The following PPARA variants were observed in gnomAD, a reference collection of about 807,000 sequenced individuals.
PPARA encodes the protein peroxisome proliferator-activated receptor alpha.
In PPARA, 22 loss-of-function variants were observed where a neutral mutation model predicts 42.2. The ratio of observed to expected loss-of-function variants is 0.52; its 90% CI spans 0.37 to 0.74. PPARA has a LOEUF of 0.74. Ranked by LOEUF, PPARA falls within the 30% of genes least tolerant of loss-of-function variation. PPARA has a pLI of 0.00. For missense variants in PPARA, 465 were observed against 608.2 expected, an observed-to-expected ratio of 0.76 and a Z score of 2.48; for synonymous variants, 242 against 239.3, an observed-to-expected ratio of 1.01 and a Z score of -0.10.
At chr22:46,210,049 A>G (rs1171878944) in intron 4 of PPARA, among the ~76,000 whole-genome samples, 9 of 152,086 alleles carry the variant, frequency 5.9e-5, no homozygotes, top group Non-Finnish European at 1.3e-4. Flanking sequence ...CCAGCCCAGA[A>G]TAACTTTTTA....
rs775983682 is a variant in PPARA, at chr22:46,238,194, C to T, written c.*2814C>T. On this transcript the variant is annotated 3_prime_UTR_variant, in exon 9 of 9. Coordinates refer to ENST00000407236, the MANE Select transcript of PPARA (RefSeq NM_005036.6). The surrounding 1 kb of genome is among the most constrained non-coding windows in gnomAD (Gnocchi z 8.3). ...CCGTGACCTCAGGCTGAAAGTCACT[C>T]GACATTGGTCTCTTGTGTTGATAGG... The T allele has an allele frequency of 3.3e-5, 5 of 152,120 alleles. No individual in the cohort carries two copies. The highest frequency in any genetic ancestry group is 3.3e-4 in the Admixed American group (5 of 15,264). The allele number at this position is 152,120 out of a possible 1,614,324, so 9.4% of individuals were successfully genotyped here. A position where few individuals can be genotyped will look rare whatever the true frequency, so the allele number is the denominator to read the frequency against.
rs35345592 is a variant in PPARA, at chr22:46,168,351, C to CAAAAA, written c.-126-8379_-126-8375dup. Among the ~76,000 whole-genome samples the CAAAAA allele has an allele frequency of 8.0e-3, 115 of 14,374 alleles. 8 individuals carry two copies. The highest frequency in any genetic ancestry group is 0.023 in the African/African-American group (105 of 4,640). The allele number at this position is 14,374 out of a possible 152,430, so 9.4% of individuals were successfully genotyped here. On this transcript the variant is annotated intron_variant, in intron 2 of 8. Transcript: ENST00000407236. ...TGGACAACAGAGCGAGACTCCATCT[C>CAAAAA]AAAAAAAAAAAAAAAAAAAAAAAAA...
intron 4 of PPARA, 127 bp from the exon 5 acceptor site, chr22:46,215,046 T>C (rs1278158464): frequency 8.5e-7 from 1 of 1,175,110 alleles, no homozygotes; most frequent in East Asian, 2.5e-5. Flanking sequence ...CGGCCCCGCA[T>C]GGGTGTTCTG....
rs138664685 is a variant in PPARA, at chr22:46,190,429, C to G, written c.-42-7913C>G. Among the ~76,000 whole-genome samples, 2 of 152,144 alleles carry G rather than the reference C, an allele frequency of 1.3e-5. No homozygotes were observed. Among genetic ancestry groups the G allele is most frequent in the South Asian group, 4.1e-4 (2 of 4,826 alleles). ...GTCAAAAAAGTGAAAGTCTAACGTT[C>G]GTAATTATTGTTCTGGAGGCTTTTG... is the stretch of plus-strand genomic sequence containing the variant. On this transcript the variant is annotated intron_variant, in intron 3 of 8. Transcript: ENST00000407236. The surrounding 1 kb of genome is among the most constrained non-coding windows in gnomAD (Gnocchi z 5.6).
chr22:46,215,192 G>C lies in PPARA; in HGVS notation c.228G>C (p.Ser76=). The C allele has an allele frequency of 6.2e-7, 1 of 1,613,960 alleles. No individual in the cohort carries two copies. The highest frequency in any genetic ancestry group is 1.1e-5 in the South Asian group (1 of 91,072). ...SVITDTLSPA[S]SPSSVTYPVV... is the part of the protein sequence containing the mutation. ...CCCCAGACACGCTTTCACCAGCTTCGAGCCCCTCCTCGGTGACTTATCCTG... is the reference window on the plus strand; with the variant it reads ...CCCCAGACACGCTTTCACCAGCTTCCAGCCCCTCCTCGGTGACTTATCCTG... Residue 76 remains serine (S), a synonymous_variant, in exon 5 of 9, where the codon TCG becomes TCC. Transcript: ENST00000407236.
rs1929834663 is a variant in PPARA at position 46,180,747 on chromosome 22, T to C, written c.-43+3911T>C. On this transcript the variant is annotated intron_variant, in intron 3 of 8. Transcript: ENST00000407236. This position sits in a 1 kb window ranked among gnomAD's most constrained non-coding sequence, Gnocchi z 4.2. ...TGAGCCAGTGTACACCTTAAATAAA[T>C]CCTCCTGAACCCCATCAATCGCTCC... 6.6e-6 allele frequency among the ~76,000 whole-genome samples: 1 copy of C among 152,184 alleles called. No individual in the cohort carries two copies. The highest frequency in any genetic ancestry group is 2.4e-5 in the African/African-American group (1 of 41,452).
At chr22:46,168,131 T>TCGCAGTGAGCCAAGACTGCGC (rs1569190459) in intron 2 of PPARA, among the ~76,000 whole-genome samples, 18 of 151,416 alleles carry the variant, frequency 1.2e-4, no homozygotes, top group Non-Finnish European at 1.8e-4. Flanking sequence ...AGCAGGTGGA[T>TCGCAGTGAGCCAAGACTGCGC]CACAAGGGCA....
chr22:46,155,586 A>T (rs1303801877), intron 2 of PPARA: 1 of 152,236 alleles, frequency 6.6e-6, no homozygotes, highest in Non-Finnish European at 1.5e-5. Flanking sequence ...AAGTGCTGGG[A>T]TTACAGGTGT....
Position 46,193,988 on chromosome 22 carries a change from A to G in PPARA, c.-42-4354A>G, listed in dbSNP as rs1931891463. On this transcript the variant is annotated intron_variant, in intron 3 of 8. Coordinates refer to ENST00000407236, the MANE Select transcript of PPARA (RefSeq NM_005036.6). This position sits in a 1 kb window ranked among gnomAD's most constrained non-coding sequence, Gnocchi z 5.3. Reference sequence around the variant, plus strand: ...GACAGCGGCATGTCATGTGGGTAATAGGAAGGGGTGGGGACTTCCCCGGGA... The same window carrying G: ...GACAGCGGCATGTCATGTGGGTAATGGGAAGGGGTGGGGACTTCCCCGGGA... Among the ~76,000 whole-genome samples the G allele has an allele frequency of 6.6e-6, 1 of 152,222 alleles. No homozygotes were observed. Among genetic ancestry groups the G allele is most frequent in the African/African-American group, 2.4e-5 (1 of 41,466 alleles).
At position 46,191,721 on chromosome 22, in the gene PPARA, G is replaced by A. The variant is rs1931581477; in HGVS notation, c.-42-6621G>A. On this transcript the variant is annotated intron_variant, in intron 3 of 8. Transcript: ENST00000407236. This position sits in a 1 kb window ranked among gnomAD's most constrained non-coding sequence, Gnocchi z 4.6. ...GTGAATTCTCACAGACCATCACTGG[G>A]TTACTCCTGGAGTAAGTAATTCCCA... Among the ~76,000 whole-genome samples, 1 of 152,194 alleles carries A rather than the reference G, an allele frequency of 6.6e-6. No homozygotes were observed.
At position 46,196,610 on chromosome 22, in the gene PPARA, C is replaced by T. The variant is rs1032321105; in HGVS notation, c.-42-1732C>T. ...ATCTCCTGCCCCCTAATCAGTGAGGCCTTCCCTGGCCTCACCCCGGACACT... is the reference window on the plus strand; with the variant it reads ...ATCTCCTGCCCCCTAATCAGTGAGGTCTTCCCTGGCCTCACCCCGGACACT... On this transcript the variant is annotated intron_variant, in intron 3 of 8. Coordinates refer to ENST00000407236, the MANE Select transcript of PPARA (RefSeq NM_005036.6). The surrounding 1 kb of genome is among the most constrained non-coding windows in gnomAD (Gnocchi z 5.6). 6.6e-6 allele frequency among the ~76,000 whole-genome samples: 1 copy of T among 152,216 alleles called. No homozygotes were observed. The highest frequency in any genetic ancestry group is 1.5e-5 in the Non-Finnish European group (1 of 68,040).
chr22:46,201,172 C>T (rs529404575), intron 4 of PPARA, among the ~76,000 whole-genome samples: 2 of 151,954 alleles, frequency 1.3e-5, no homozygotes, highest in South Asian at 2.1e-4. Context: ...TTCATACAGC[C>T]AGAAAGACAC....
intron 3 of PPARA, among the ~76,000 whole-genome samples, chr22:46,177,217 T>TAA (rs1051329592): frequency 2.2e-4 from 33 of 146,786 alleles, no homozygotes; most frequent in African/African-American, 7.8e-4. Context: ...TCTCAAAAAA[T>TAA]AAAATAAAAT....
rs527323341 is a variant in PPARA at position 46,223,363 on chromosome 22, C to T, written c.711+3349C>T. On this transcript the variant is annotated intron_variant, in intron 7 of 8. Transcript: ENST00000407236. ...TGGCCTTAAAGAAATAAATAATAGG[C>T]CAGGCGCGGTGGCTCATGCCTGTAA... is the stretch of plus-strand genomic sequence containing the variant. 8.9e-4 allele frequency among the ~76,000 whole-genome samples: 135 copies of T among 152,088 alleles called. 2 individuals are homozygous for T. The highest frequency in any genetic ancestry group is 3.2e-3 in the African/African-American group (133 of 41,494).
In PPARA at chr22:46,160,327, C is replaced by T. The variant is rs1276152321; in HGVS notation, c.-127+8357C>T. 6.6e-6 allele frequency among the ~76,000 whole-genome samples: 1 copy of T among 152,206 alleles called. No homozygotes were observed. The highest frequency in any genetic ancestry group is 1.5e-5 in the Non-Finnish European group (1 of 68,040). ...TTTGTTTGTTTTTGAGATGGAGTCT[C>T]GCTCTGTCACCCAGGCCGGAGTGCA... On this transcript the variant is annotated intron_variant, in intron 2 of 8. Coordinates refer to ENST00000407236, the MANE Select transcript of PPARA (RefSeq NM_005036.6). This position sits in a 1 kb window ranked among gnomAD's most constrained non-coding sequence, Gnocchi z 4.5.
chr22:46,236,679 C>G lies in PPARA; in HGVS notation c.*1299C>G, dbSNP rs1302018324. On this transcript the variant is annotated 3_prime_UTR_variant, in exon 9 of 9. Coordinates refer to ENST00000407236, the MANE Select transcript of PPARA (RefSeq NM_005036.6). This position sits in a 1 kb window ranked among gnomAD's most constrained non-coding sequence, Gnocchi z 5.2. The stretch of plus-strand genomic sequence containing the variant: ...AACTCTTGGTGACAGTAGATGCTCT[C>G]TGGAGCGCAGACGAGGCACATGTGT... The G allele has an allele frequency of 2.6e-5, 4 of 152,638 alleles. No homozygotes were observed. The highest frequency in any genetic ancestry group is 1.9e-4 in the East Asian group (1 of 5,198). The allele number at this position is 152,638 out of a possible 1,614,324, so 9.5% of individuals were successfully genotyped here. A position where few individuals can be genotyped will look rare whatever the true frequency, so the allele number is the denominator to read the frequency against.
In PPARA at chr22:46,183,090, A is replaced by G. The variant is rs913381866; in HGVS notation, c.-43+6254A>G. Among the ~76,000 whole-genome samples the G allele has an allele frequency of 1.3e-5, 2 of 152,220 alleles. No individual in the cohort carries two copies. The highest frequency in any genetic ancestry group is 4.8e-5 in the African/African-American group (2 of 41,460). On this transcript the variant is annotated intron_variant, in intron 3 of 8. Transcript: ENST00000407236. The surrounding 1 kb of genome is among the most constrained non-coding windows in gnomAD (Gnocchi z 5.5). ...GAAAAAAAGTTGTCTTGAAATAAGC[A>G]TTAGAACTGTGGCTTTGGCTCTGAA...
intron 4 of PPARA, among the ~76,000 whole-genome samples, chr22:46,209,343 T>C (rs1397853422): frequency 6.6e-6 from 1 of 152,174 alleles, no homozygotes; most frequent in African/African-American, 2.4e-5. Flanking sequence ...ATTGAGCATC[T>C]GGGATCAGTG....
Position 46,219,255 on chromosome 22 carries a change from T to C in PPARA, c.509-557T>C, listed in dbSNP as rs1934797129. Among the ~76,000 whole-genome samples, 1 of 152,154 alleles carries C rather than the reference T, an allele frequency of 6.6e-6. No homozygotes were observed. The highest frequency in any genetic ancestry group is 2.4e-5 in the African/African-American group (1 of 41,424). On this transcript the variant is annotated intron_variant, in intron 6 of 8. Transcript: ENST00000407236. The surrounding 1 kb of genome is among the most constrained non-coding windows in gnomAD (Gnocchi z 4.8). ...AGAAACTTCAGTGGTAAGACTTTGA[T>C]ACAGAATCGAAAAACCAAGTGGAAG...
Sources: allele counts gnomAD v4.1 joint callset (sites outside exome capture counted in the v4.1 genomes callset), GRCh38; gene constraint gnomAD v4.1.1; non-coding constraint Gnocchi (gnomAD v3.1); transcripts MANE v1.5; gene names NCBI Gene and HGNC (gene_info 2026-07-23, HGNC 2026-07-21).